DNAH17: variants seen among roughly 807,000 people sequenced by gnomAD.
DNAH17 encodes the protein axonemal beta dynein heavy chain 17.
In DNAH17, 376 loss-of-function variants were observed where a neutral mutation model predicts 485.6. The observed-to-expected ratio is 0.77, with a 90% CI of 0.71 to 0.84. DNAH17 has a LOEUF of 0.84. Ranked by LOEUF, DNAH17 falls within the 40% of genes least tolerant of loss-of-function variation. The pLI is 0.00. For synonymous variants in DNAH17, 3,031 were observed against 2,405.9 expected, an observed-to-expected ratio of 1.26 and a Z score of -7.60; for missense variants, 6,370 against 5,839.3, an observed-to-expected ratio of 1.09 and a Z score of -2.96.
intron 17 of DNAH17, among the ~76,000 whole-genome samples, chr17:78,541,441 G>A (rs997517619): frequency 1.3e-5 from 2 of 151,438 alleles, no homozygotes; most frequent in South Asian, 2.1e-4. Context: ...AGGATACTAA[G>A]TGCTATAGGG....
At chr17:78,516,648 T>C (rs1243203914) in intron 25 of DNAH17, among the ~76,000 whole-genome samples, 3 of 134,810 alleles carry the variant, frequency 2.2e-5, no homozygotes, top group Non-Finnish European at 4.6e-5. Context: ...GGACATCACA[T>C]CACTGCACTC....
At chr17:78,571,819 G>GAC (rs912843969) in intron 3 of DNAH17, 37 bp from the exon 4 acceptor site, 9 of 1,536,160 alleles carry the variant, frequency 5.9e-6, no homozygotes, top group Non-Finnish European at 7.0e-6. Context: ...CTCTCATGGC[G>GAC]ACACACACGT....
In DNAH17 at chr17:78,506,841, G is replaced by C; in HGVS notation, c.4682C>G (p.Ala1561Gly). The change falls in exon 30 of 81, where the codon GCC (alanine) becomes GGC (glycine). Residue 1561 changes from alanine to glycine, a missense_variant. Transcript: ENST00000389840. ...CTCTGCCAAAGCCTTTTCACAGATGGCCAAGCTGGGAGGAAGGAAGGAAGT... is the reference window on the plus strand; with the variant it reads ...CTCTGCCAAAGCCTTTTCACAGATGCCCAAGCTGGGAGGAAGGAAGGAAGT... ...NKLEALKKSL[A>G]ICEKALAEYL... 1.2e-6 allele frequency: 2 copies of C among 1,613,990 alleles called. No individual in the cohort carries two copies. Among genetic ancestry groups the C allele is most frequent in the Admixed American group, 3.3e-5 (2 of 60,020 alleles).
At chr17:78,550,078 G>A (rs1442166533) in intron 16 of DNAH17, among the ~76,000 whole-genome samples, 3 of 152,214 alleles carry the variant, frequency 2.0e-5, no homozygotes, top group Non-Finnish European at 4.4e-5. Context: ...CTGAGACACT[G>A]GGGAAATGGC....
chr17:78,476,830 G>A (rs1395707009), intron 51 of DNAH17, 97 bp from the exon 52 acceptor site: 3 of 1,421,888 alleles, frequency 2.1e-6, no homozygotes, highest in Admixed American at 2.5e-5. Flanking sequence ...CCTCCCCCGG[G>A]GCGAGGGGAC....
At position 78,438,561 on chromosome 17, in the gene DNAH17, A is replaced by G. The variant is rs1364683514; in HGVS notation, c.11805+529T>C. ...CGCCCGGGCTGGAGTGCAGTGGTGC[A>G]CTCTTGGCTCACTGCAACCTCTGCC... On this transcript the variant is annotated intron_variant, in intron 73 of 80. Coordinates refer to ENST00000389840, the MANE Select transcript of DNAH17 (RefSeq NM_173628.4). 3.5e-5 allele frequency among the ~76,000 whole-genome samples: 5 copies of G among 143,692 alleles called. No homozygotes were observed. The South Asian group carries it at 9.0e-4, about 26-fold the overall frequency. 94.3% of individuals were successfully genotyped at this position (143,692 alleles called of 152,430 possible). A position where few individuals can be genotyped will look rare whatever the true frequency, so the allele number is the denominator to read the frequency against.
chr17:78,439,171 C>T lies in DNAH17; in HGVS notation c.11724G>A (p.Val3908=), dbSNP rs770146151. The change falls in exon 73 of 81, where the codon GTG becomes GTA. Residue 3908 remains valine, a synonymous_variant. Transcript: ENST00000389840. ...FTIDNGKLHN[V]SLGQGQEVVA... ...CCACCTCTTGTCCCTGCCCCAGGGA[C>T]ACATTATGGAGTTTTCCATTGTCTA... The T allele has an allele frequency of 6.2e-7, 1 of 1,613,574 alleles. No individual in the cohort carries two copies. Among genetic ancestry groups the T allele is most frequent in the East Asian group, 2.2e-5 (1 of 44,876 alleles).
intron 49 of DNAH17, among the ~76,000 whole-genome samples, 186 bp downstream of exon 49, chr17:78,480,498 G>A (rs870962): frequency 8.5e-5 from 13 of 152,330 alleles, no homozygotes; most frequent in African/African-American, 2.9e-4. Flanking sequence ...TCACAGGGAA[G>A]GCTGGCTAGC....
Position 78,494,027 on chromosome 17 carries a change from G to A in DNAH17, c.6408+9C>T, listed in dbSNP as rs753548583. The A allele has an allele frequency of 1.2e-6, 2 of 1,610,868 alleles. No individual in the cohort carries two copies. Among genetic ancestry groups the A allele is most frequent in the East Asian group, 2.2e-5 (1 of 44,842 alleles). ...GATCCCTGCAAGGTCCCTGGAGCGG[G>A]TGACACACCTGAGATTTGCCGCTGC... On this transcript the variant is annotated intron_variant, in intron 41 of 80. Transcript: ENST00000389840.
chr17:78,463,144 C>A, intron 56 of DNAH17, 67 bp from the exon 57 acceptor site: 2 of 1,448,388 alleles, frequency 1.4e-6, no homozygotes, highest in East Asian at 4.7e-5. Flanking sequence ...TGGGGCTCCC[C>A]AGACTCACCA....
intron 16 of DNAH17, among the ~76,000 whole-genome samples, chr17:78,549,964 G>GC (rs780566170): frequency 6.6e-5 from 10 of 152,210 alleles, no homozygotes; most frequent in Non-Finnish European, 1.3e-4. Context: ...GGCTGGGTGA[G>GC]CATTGCAGGT....
chr17:78,460,328 G>GTGTGTGCA (rs1411978401), intron 58 of DNAH17, 71 bp from the exon 59 acceptor site: 13 of 788,916 alleles, frequency 1.6e-5, no homozygotes, highest in Middle Eastern at 2.7e-4. Context: ...GTACGTGCAT[G>GTGTGTGCA]TGTGTGCATG....
At chr17:78,428,216 C>T (rs990560594) in intron 77 of DNAH17, 32 of 432,876 alleles carry the variant, frequency 7.4e-5, no homozygotes, top group African/African-American at 4.0e-4. Context: ...CCCTTCCTGG[C>T]GCTCAGCTAG....
At chr17:78,548,581 T>C (rs1347043505) in intron 16 of DNAH17, among the ~76,000 whole-genome samples, 2 of 152,240 alleles carry the variant, frequency 1.3e-5, no homozygotes, top group African/African-American at 2.4e-5. Flanking sequence ...TTTTCTGAGA[T>C]ATCTAAACGA....
At chr17:78,504,976 G>GCT (rs2146734172) in intron 31 of DNAH17, among the ~76,000 whole-genome samples, 1 of 132,732 alleles carries the variant, frequency 7.5e-6, no homozygotes, top group South Asian at 2.4e-4. Flanking sequence ...CGCGATCTTG[G>GCT]CTCACGGCAA....
chr17:78,457,993 G>A (rs1420528840), intron 62 of DNAH17, among the ~76,000 whole-genome samples: 2 of 151,698 alleles, frequency 1.3e-5, no homozygotes, highest in African/African-American at 4.8e-5. Flanking sequence ...TTAGTAAGAT[G>A]GGGTTTCGTC....
At chr17:78,564,147 G>T (rs759615829) in intron 11 of DNAH17, among the ~76,000 whole-genome samples, 2 of 152,024 alleles carry the variant, frequency 1.3e-5, no homozygotes, top group African/African-American at 2.4e-5. Flanking sequence ...GGGGCCTAGG[G>T]CTCCCGAGGG....
At chr17:78,449,337 C>T in intron 69 of DNAH17, 77 bp downstream of exon 69, 1 of 1,452,928 alleles carries the variant, frequency 6.9e-7, no homozygotes, top group Non-Finnish European at 9.3e-7. Flanking sequence ...AACAATCTGC[C>T]TTTCCACAAA....
chr17:78,538,823 C>A (rs2091447473), intron 18 of DNAH17, among the ~76,000 whole-genome samples: 2 of 152,198 alleles, frequency 1.3e-5, no homozygotes, highest in African/African-American at 4.8e-5. Flanking sequence ...CATCCACCCT[C>A]CCTGGTCGGT....
Sources: allele counts gnomAD v4.1 joint callset (sites outside exome capture counted in the v4.1 genomes callset), GRCh38; gene constraint gnomAD v4.1.1; transcripts MANE v1.5; gene names NCBI Gene and HGNC (gene_info 2026-07-23, HGNC 2026-07-21).